The following BACE1 variants were observed in gnomAD, a reference collection of about 807,000 sequenced individuals.
BACE1 encodes the protein APP beta-secretase.
A neutral mutation model predicts 54.0 loss-of-function variants in BACE1; 21 were observed. The ratio of observed to expected loss-of-function variants is 0.39; its 90% CI spans 0.28 to 0.56. The LOEUF is 0.56. BACE1 is among the 20% of genes least tolerant of loss of function. The probability of loss-of-function intolerance (pLI) is 0.63; values close to 1 mark genes in which losing one functional copy is unlikely to be tolerated. For missense variants in BACE1, 511 were observed against 661.2 expected (o/e 0.77, Z 2.49); for synonymous variants, 232 against 260.9 (o/e 0.89, Z 1.07).
chr11:117,301,103 C>G (rs968709809), intron 1 of BACE1, among the ~76,000 whole-genome samples: 25 of 152,130 alleles, frequency 1.6e-4, no homozygotes, highest in Admixed American at 1.6e-3. Context: ...TTCAAGTCAG[C>G]CTTCATCTTC....
At position 117,286,391 on chromosome 11, in the gene BACE1, C is replaced by G. The variant is rs1302799621; in HGVS notation, c.*3175G>C. 1.3e-5 allele frequency: 2 copies of G among 152,128 alleles called. No homozygotes were observed. The highest frequency in any genetic ancestry group is 4.8e-5 in the African/African-American group (2 of 41,416). 9.4% of individuals were successfully genotyped at this position (152,128 alleles called of 1,614,324 possible). A position where few individuals can be genotyped will look rare whatever the true frequency, so the allele number is the denominator to read the frequency against. On this transcript the variant is annotated 3_prime_UTR_variant, in exon 9 of 9. Coordinates refer to ENST00000313005, the MANE Select transcript of BACE1 (RefSeq NM_012104.6). The stretch of plus-strand genomic sequence containing the variant: ...TTTGAATCTTTTCCTATCCTTTTAT[C>G]TTTACTCCTACAGGGAATGGCCTCA...
At chr11:117,291,835 TAA>T (rs1175471646) in intron 5 of BACE1, 22 bp from the exon 6 acceptor site, 3 of 1,577,006 alleles carry the variant, frequency 1.9e-6, no homozygotes, top group Admixed American at 3.3e-5. Flanking sequence ...AAGAGAGAGT[TAA>T]AAGAGTCAAA....
rs146777719 is a variant in BACE1, at chr11:117,286,027, A to T, written c.*3539T>A. 1 of 152,726 alleles carries T rather than the reference A, an allele frequency of 6.5e-6. No individual in the cohort carries two copies. The highest frequency in any genetic ancestry group is 1.5e-5 in the Non-Finnish European group (1 of 68,056). 9.5% of individuals were successfully genotyped at this position (152,726 alleles called of 1,614,324 possible). A position where few individuals can be genotyped will look rare whatever the true frequency, so the allele number is the denominator to read the frequency against. ...CTAGTCTAGCTAATCCCCCTCCCCC[A>T]GAAGGTTAAGGCAGTTGGTTCACAA... On this transcript the variant is annotated 3_prime_UTR_variant, in exon 9 of 9. Transcript: ENST00000313005.
In BACE1 at chr11:117,315,729, G is replaced by T; in HGVS notation, c.67C>A (p.Gln23Lys). ...GAGVLPAHGTQHGIRLPLRSG... is the reference protein window; with the variant it reads ...GAGVLPAHGTKHGIRLPLRSG... ...CGCAGGGGCAGCCGGATGCCGTGCT[G>T]GGTGCCGTGGGCAGGCAGCACTCCC... Residue 23 changes from glutamine (Q) to lysine (K), a missense_variant, in exon 1 of 9, where the codon CAG (glutamine) becomes AAG (lysine). Gln to Lys is a moderately conservative substitution (Grantham distance 53). Around this residue, in one of 2 missense-constraint regions of BACE1, gnomAD observed 104 missense variants for 95.5 expected, o/e 1.09. Coordinates refer to ENST00000313005, the MANE Select transcript of BACE1 (RefSeq NM_012104.6). The surrounding 1 kb of genome is among the most constrained non-coding windows in gnomAD (Gnocchi z 5.5). The T allele has an allele frequency of 6.8e-7, 1 of 1,481,244 alleles. No individual in the cohort carries two copies. The highest frequency in any genetic ancestry group is 1.3e-5 in the South Asian group (1 of 74,844). 91.8% of individuals were successfully genotyped at this position (1,481,244 alleles called of 1,614,324 possible).
chr11:117,311,734 G>A (rs551603104), intron 1 of BACE1, among the ~76,000 whole-genome samples: 9 of 152,252 alleles, frequency 5.9e-5, no homozygotes, highest in African/African-American at 9.6e-5. Context: ...TCTGCCTCCC[G>A]GGTTCAAGAG....
At chr11:117,296,084 A>G (rs920894252) in intron 2 of BACE1, among the ~76,000 whole-genome samples, 9 of 152,188 alleles carry the variant, frequency 5.9e-5, no homozygotes, top group Non-Finnish European at 4.4e-5. Context: ...GCAGCTGCCT[A>G]CAAGTCCAAG....
In BACE1 at chr11:117,303,387, C is replaced by T. The variant is rs28989483; in HGVS notation, c.262-6426G>A. ...AAGGCAGCTTCATGGGAAGTGCTAACAAGCCCCACAGGGAAAGGCACACCT... is the reference window on the plus strand; with the variant it reads ...AAGGCAGCTTCATGGGAAGTGCTAATAAGCCCCACAGGGAAAGGCACACCT... On this transcript the variant is annotated intron_variant, in intron 1 of 8. Transcript: ENST00000313005. Among the ~76,000 whole-genome samples the T allele has an allele frequency of 6.4e-3, 974 of 152,328 alleles. 16 individuals are homozygous for T. The highest frequency in any genetic ancestry group is 0.023 in the African/African-American group (940 of 41,570).
chr11:117,299,749 T>C (rs2034681070), intron 1 of BACE1: 1 of 324,594 alleles, frequency 3.1e-6, no homozygotes, highest in Non-Finnish European at 5.9e-6. Flanking sequence ...GCAGTTCAGA[T>C]GAAATCAACC....
At chr11:117,304,854 A>G (rs1166148748) in intron 1 of BACE1, among the ~76,000 whole-genome samples, 1 of 151,872 alleles carries the variant, frequency 6.6e-6, no homozygotes, top group East Asian at 1.9e-4. Context: ...CTTATTACCT[A>G]ATTGTTACCT....
At chr11:117,312,807 G>C (rs1403879637) in intron 1 of BACE1, among the ~76,000 whole-genome samples, 1 of 152,184 alleles carries the variant, frequency 6.6e-6, no homozygotes, top group African/African-American at 2.4e-5. Flanking sequence ...GGGCCCCACT[G>C]TCAGAGATCC....
chr11:117,299,865 G>A (rs1464071066), intron 1 of BACE1, among the ~76,000 whole-genome samples: 1 of 152,144 alleles, frequency 6.6e-6, no homozygotes, highest in Non-Finnish European at 1.5e-5. Flanking sequence ...CATATTACAG[G>A]GCTCCCTGCT....
chr11:117,307,971 T>C (rs1408263146), intron 1 of BACE1, among the ~76,000 whole-genome samples: 1 of 148,884 alleles, frequency 6.7e-6, no homozygotes, highest in African/African-American at 2.5e-5. Context: ...AAACTCTTTT[T>C]TAAAAAAATA....
chr11:117,298,356 A>C (rs1283456405), intron 1 of BACE1, among the ~76,000 whole-genome samples: 1 of 152,092 alleles, frequency 6.6e-6, no homozygotes, highest in African/African-American at 2.4e-5. Flanking sequence ...TGGAGTCATA[A>C]CATTTTGTGC....
chr11:117,303,430 C>T (rs757368898), intron 1 of BACE1, among the ~76,000 whole-genome samples: 1 of 152,260 alleles, frequency 6.6e-6, no homozygotes. Context: ...TTTCACTCTG[C>T]ATGTTCCCCT....
intron 7 of BACE1, 27 bp downstream of exon 7, chr11:117,290,873 A>G: frequency 6.2e-7 from 1 of 1,609,686 alleles, no homozygotes; most frequent in Non-Finnish European, 8.5e-7. Flanking sequence ...TTTAAGAGAG[A>G]TCCCCCTGAC....
chr11:117,306,750 G>T (rs1236590199), intron 1 of BACE1, among the ~76,000 whole-genome samples: 1 of 152,112 alleles, frequency 6.6e-6, no homozygotes, highest in Non-Finnish European at 1.5e-5. Flanking sequence ...GGTGGAGGTT[G>T]CAGGGAGCCG....
At chr11:117,302,281 T>C (rs1181300123) in intron 1 of BACE1, among the ~76,000 whole-genome samples, 1 of 152,006 alleles carries the variant, frequency 6.6e-6, no homozygotes, top group Non-Finnish European at 1.5e-5. Flanking sequence ...TGCAGTGAGA[T>C]GAGATGGCGC....
intron 1 of BACE1, among the ~76,000 whole-genome samples, chr11:117,305,862 C>T (rs963018187): frequency 1.3e-5 from 2 of 152,098 alleles, no homozygotes; most frequent in East Asian, 1.9e-4. Context: ...GGTGAAACCC[C>T]GTCTCCACTA....
At chr11:117,305,895 G>T (rs1290199253) in intron 1 of BACE1, among the ~76,000 whole-genome samples, 3 of 152,014 alleles carry the variant, frequency 2.0e-5, no homozygotes, top group African/African-American at 7.2e-5. Context: ...AATTAGCCGG[G>T]CGTGATGGCA....
Sources: allele counts gnomAD v4.1 joint callset (sites outside exome capture counted in the v4.1 genomes callset), GRCh38; gene constraint gnomAD v4.1.1; regional missense constraint gnomAD v4.1.1; non-coding constraint Gnocchi (gnomAD v3.1); transcripts MANE v1.5; gene names NCBI Gene and HGNC (gene_info 2026-07-23, HGNC 2026-07-21).